Variants in IQSEC1 observed in about 807,000 individuals in gnomAD.
IQSEC1 encodes the protein IQ motif and Sec7 domain ArfGEF 1.
IQSEC1 carries 31 observed loss-of-function variants against 91.0 expected under a neutral mutation model. The ratio of observed to expected loss-of-function variants is 0.34; its 90% confidence interval spans 0.26 to 0.46. The LOEUF (loss-of-function observed/expected upper bound fraction) is 0.46. IQSEC1 is among the 20% of genes least tolerant of loss of function. The probability of loss-of-function intolerance (pLI) is 1.00; values close to 1 mark genes in which losing one functional copy is unlikely to be tolerated. For missense variants in IQSEC1, 1,388 were observed against 1,575.6 expected (o/e 0.88, Z 2.02); for synonymous variants, 699 against 662.6 (o/e 1.05, Z -0.84).
chr3:13,119,562 C>T (rs116608947), intron 2 of IQSEC1, among the ~76,000 whole-genome samples: 1,614 of 152,332 alleles, frequency 0.011, 27 homozygotes, highest in African/African-American at 0.035. Flanking sequence ...AACATCCTGG[C>T]TTCTTCCTGT....
intron 2 of IQSEC1, among the ~76,000 whole-genome samples, chr3:13,163,187 G>A (rs1024879748): frequency 3.9e-5 from 6 of 152,084 alleles, no homozygotes; most frequent in Admixed American, 6.5e-5. Flanking sequence ...GAGGCTCCCT[G>A]GGATGCAGCC....
At chr3:13,175,126 T>C (rs1693701965) in intron 1 of IQSEC1, among the ~76,000 whole-genome samples, 1 of 152,144 alleles carries the variant, frequency 6.6e-6, no homozygotes, top group Non-Finnish European at 1.5e-5. Flanking sequence ...GAAGTCTCTG[T>C]CTGCACGTGA....
intron 2 of IQSEC1, among the ~76,000 whole-genome samples, chr3:13,085,662 T>G (rs1181499829): frequency 6.6e-6 from 1 of 152,142 alleles, no homozygotes; most frequent in Non-Finnish European, 1.5e-5. Context: ...CTAGTGGTTG[T>G]GACAGAATAG....
At chr3:12,929,353 A>G (rs964972149) in intron 3 of IQSEC1, among the ~76,000 whole-genome samples, 4 of 152,204 alleles carry the variant, frequency 2.6e-5, no homozygotes, top group African/African-American at 9.6e-5. Context: ...CTGGGACGGC[A>G]TCGACTTCAG....
chr3:13,249,731 A>G (rs1695163504), intron 1 of IQSEC1, among the ~76,000 whole-genome samples: 1 of 151,920 alleles, frequency 6.6e-6, no homozygotes, highest in African/African-American at 2.4e-5. Flanking sequence ...GGTCAAGGGG[A>G]GCGTAAGGTG....
chr3:12,950,646 AT>A (rs35512437), intron 1 of IQSEC1, among the ~76,000 whole-genome samples: 83 of 145,922 alleles, frequency 5.7e-4, no homozygotes, highest in Non-Finnish European at 4.4e-4. Flanking sequence ...ATCTCTACAA[AT>A]TTTTTTTTTT....
At chr3:12,989,940 C>T (rs148676836) in intron 1 of IQSEC1, among the ~76,000 whole-genome samples, 1 of 152,264 alleles carries the variant, frequency 6.6e-6, no homozygotes, top group African/African-American at 2.4e-5. Flanking sequence ...GACAGAGACC[C>T]CAGCTGCTGC....
At chr3:13,221,808 G>T (rs1164135140) in intron 1 of IQSEC1, among the ~76,000 whole-genome samples, 1 of 152,238 alleles carries the variant, frequency 6.6e-6, no homozygotes, top group East Asian at 1.9e-4. Flanking sequence ...TGCAGTCAGC[G>T]ATCTGGAAAG....
rs1694367925 is a variant in IQSEC1 at position 13,207,652 on chromosome 3, C to T, written c.273-43519G>A. 6.6e-6 allele frequency among the ~76,000 whole-genome samples: 1 copy of T among 152,192 alleles called. No homozygotes were observed. The highest frequency in any genetic ancestry group is 2.4e-5 in the African/African-American group (1 of 41,450). ...CCTGAGGCTCCTCACTTGTCCCCAC[C>T]CCAGAGCCTCTGCACCCAGGGCTCC... On this transcript the variant is annotated intron_variant, in intron 1 of 15. Transcript: ENST00000648114. The surrounding 1 kb of genome is among the most constrained non-coding windows in gnomAD (Gnocchi z 4.8).
chr3:12,936,290 A>G lies in IQSEC1; in HGVS notation c.726T>C (p.Asp242=). 1 of 1,613,244 alleles carries G rather than the reference A, an allele frequency of 6.2e-7. No homozygotes were observed. The highest frequency in any genetic ancestry group is 8.5e-7 in the Non-Finnish European group (1 of 1,179,926). The change falls in exon 3 of 14, where the codon GAT becomes GAC. Residue 242 remains aspartate (D), a synonymous_variant. Coordinates refer to ENST00000613206, the MANE Select transcript of IQSEC1 (RefSeq NM_001134382.3). ...QVKSLAESID[D]ALNCRSLHTE... is the part of the protein sequence containing the mutation. ...TGTGCAGGCTGCGGCAGTTGAGGGCATCGTCGATGGACTCGGCCAGTGATT... is the reference window on the plus strand; with the variant it reads ...TGTGCAGGCTGCGGCAGTTGAGGGCGTCGTCGATGGACTCGGCCAGTGATT...
At chr3:13,066,868 A>G (rs575351257) in intron 1 of IQSEC1, among the ~76,000 whole-genome samples, 14 of 152,276 alleles carry the variant, frequency 9.2e-5, no homozygotes, top group Non-Finnish European at 1.6e-4. Flanking sequence ...CGTGGACTAG[A>G]TGTCCAGTGA....
Position 12,909,314 on chromosome 3 carries a change from G to T in IQSEC1, c.2537C>A (p.Ser846Tyr). The change falls in exon 11 of 14, where the codon TCC becomes TAC. Residue 846 changes from serine to tyrosine, a missense_variant. Transcript: ENST00000613206. This position sits in a 1 kb window ranked among gnomAD's most constrained non-coding sequence, Gnocchi z 4.9. ...RKKFTDDLRE[S>Y]IAEVQEMEKH... ...CTCCATCTCTTGGACTTCCGCAATG[G>T]ACTCCCGCAGGTCATCGGTGAATTT... is the stretch of plus-strand genomic sequence containing the variant. The T allele has an allele frequency of 6.2e-7, 1 of 1,614,208 alleles. No homozygotes were observed. The highest frequency in any genetic ancestry group is 8.5e-7 in the Non-Finnish European group (1 of 1,180,022).
At chr3:12,902,375 A>T (rs1490337489) in intron 13 of IQSEC1, among the ~76,000 whole-genome samples, 2 of 151,974 alleles carry the variant, frequency 1.3e-5, no homozygotes, top group Non-Finnish European at 2.9e-5. Context: ...TCCAACAGCA[A>T]GTGTGGAGGG....
chr3:13,132,901 C>A (rs1196253454), intron 2 of IQSEC1, among the ~76,000 whole-genome samples: 1 of 152,194 alleles, frequency 6.6e-6, no homozygotes, highest in African/African-American at 2.4e-5. Flanking sequence ...CCACCACAAC[C>A]CCCGAATGCA....
chr3:13,172,453 G>C (rs1693636234), intron 1 of IQSEC1, among the ~76,000 whole-genome samples: 1 of 152,212 alleles, frequency 6.6e-6, no homozygotes, highest in Non-Finnish European at 1.5e-5. Flanking sequence ...CCAGACAATA[G>C]TGAGCCACAG....
intron 1 of IQSEC1, among the ~76,000 whole-genome samples, chr3:13,255,466 C>T (rs962186960): frequency 2.6e-5 from 4 of 152,188 alleles, no homozygotes; most frequent in East Asian, 1.9e-4. Flanking sequence ...GCTGCATCAA[C>T]CCAGTCTCAG....
chr3:13,150,403 C>T (rs979662201), intron 2 of IQSEC1, among the ~76,000 whole-genome samples: 2 of 152,188 alleles, frequency 1.3e-5, no homozygotes, highest in African/African-American at 4.8e-5. Context: ...AGTTTTTAAA[C>T]TTGTCAGCTT....
chr3:13,015,844 G>T, intron 1 of IQSEC1: 1 of 341,234 alleles, frequency 2.9e-6, no homozygotes, highest in Non-Finnish European at 4.1e-6. Context: ...GCTTCACTGG[G>T]CAGGCCCCAG....
At chr3:13,195,550 A>G (rs1284222741) in intron 1 of IQSEC1, among the ~76,000 whole-genome samples, 1 of 152,260 alleles carries the variant, frequency 6.6e-6, no homozygotes, top group Non-Finnish European at 1.5e-5. Context: ...AAAAAGAATG[A>G]ATTATGGATA....
Sources: allele counts gnomAD v4.1 joint callset (sites outside exome capture counted in the v4.1 genomes callset), GRCh38; gene constraint gnomAD v4.1.1; non-coding constraint Gnocchi (gnomAD v3.1); transcripts MANE v1.5; gene names NCBI Gene and HGNC (gene_info 2026-07-23, HGNC 2026-07-21).